The following MAML3 variants were observed in gnomAD, a reference collection of about 807,000 sequenced individuals.
MAML3 encodes mastermind-like protein 3.
Under a neutral mutation model 101.9 loss-of-function variants are expected in MAML3, and 27 were observed. That is an observed-to-expected ratio of 0.27 (90% CI 0.20 to 0.37). The LOEUF is 0.37. Among genes scored for constraint, MAML3 ranks in the 10% least tolerant of loss-of-function variants. The pLI is 1.00. For missense variants in MAML3, 1,316 were observed against 1,444.9 expected (o/e 0.91, Z 1.45); for synonymous variants, 501 against 555.9 (o/e 0.90, Z 1.39).
chr4:139,911,030 A>G (rs1732909400), intron 1 of MAML3, among the ~76,000 whole-genome samples: 1 of 152,204 alleles, frequency 6.6e-6, no homozygotes, highest in Non-Finnish European at 1.5e-5. Flanking sequence ...CTCTGTGTTC[A>G]TGAAACAACT....
chr4:139,785,973 G>A lies in MAML3; in HGVS notation c.2080-55306C>T, dbSNP rs72730229. On this transcript the variant is annotated intron_variant, in intron 2 of 4. Transcript: ENST00000509479. The surrounding 1 kb of genome is among the most constrained non-coding windows in gnomAD (Gnocchi z 4.3). Reference sequence around the variant, plus strand: ...CTCCCACCAAAATTCATATGTTGAAGTCCTAACCCCCAATATCTCAGAATG... The same window carrying A: ...CTCCCACCAAAATTCATATGTTGAAATCCTAACCCCCAATATCTCAGAATG... 0.012 allele frequency among the ~76,000 whole-genome samples: 1,824 copies of A among 152,212 alleles called. 25 individuals are homozygous for A. The highest frequency in any genetic ancestry group is 0.019 in the Non-Finnish European group (1,288 of 68,024).
At chr4:139,878,738 C>T (rs906402087) in intron 2 of MAML3, among the ~76,000 whole-genome samples, 11 of 152,164 alleles carry the variant, frequency 7.2e-5, no homozygotes, top group African/African-American at 2.7e-4. Flanking sequence ...GCTTGTCTGC[C>T]ATCCTTGATG....
At chr4:139,863,898 A>C (rs1731842196) in intron 2 of MAML3, among the ~76,000 whole-genome samples, 1 of 144,074 alleles carries the variant, frequency 6.9e-6, no homozygotes, top group South Asian at 2.3e-4. Flanking sequence ...ATATCCAGAA[A>C]CATTCTTGAT....
At chr4:140,011,624 G>A (rs1409676095) in intron 1 of MAML3, among the ~76,000 whole-genome samples, 3 of 151,996 alleles carry the variant, frequency 2.0e-5, no homozygotes, top group Admixed American at 6.6e-5. Flanking sequence ...GATTACAGGC[G>A]TGAGCCACCG....
intron 1 of MAML3, among the ~76,000 whole-genome samples, chr4:140,083,261 T>A (rs1412825923): frequency 6.6e-6 from 1 of 152,186 alleles, no homozygotes; most frequent in African/African-American, 2.4e-5. Flanking sequence ...CTGTAAAACA[T>A]TTCCCCTATC....
intron 2 of MAML3, among the ~76,000 whole-genome samples, chr4:139,788,681 T>C (rs142279142): frequency 6.6e-6 from 1 of 152,380 alleles, no homozygotes; most frequent in South Asian, 2.1e-4. Context: ...AGTTTTGGTC[T>C]ATGAGATACA....
At chr4:139,737,304 C>A (rs1728983908) in intron 2 of MAML3, among the ~76,000 whole-genome samples, 1 of 151,436 alleles carries the variant, frequency 6.6e-6, no homozygotes, top group South Asian at 2.1e-4. Flanking sequence ...ATGTTTAACT[C>A]ATTTTGTTGA....
intron 1 of MAML3, among the ~76,000 whole-genome samples, chr4:140,045,119 G>A (rs984923158): frequency 6.6e-6 from 1 of 152,172 alleles, no homozygotes; most frequent in African/African-American, 2.4e-5. Flanking sequence ...ATCTGGGCCA[G>A]GCACAGTGGC....
intron 1 of MAML3, among the ~76,000 whole-genome samples, chr4:139,914,766 C>G (rs541640390): frequency 6.6e-6 from 1 of 152,180 alleles, no homozygotes; most frequent in Non-Finnish European, 1.5e-5. Flanking sequence ...TAAAGTTAAA[C>G]ACATCTTTCC....
chr4:139,896,363 A>G (rs1732608197), intron 1 of MAML3, among the ~76,000 whole-genome samples: 2 of 152,152 alleles, frequency 1.3e-5, no homozygotes, highest in Non-Finnish European at 2.9e-5. Context: ...TGGAAGAATC[A>G]CAGAAACTCT....
chr4:140,046,509 G>C (rs956340767), intron 1 of MAML3, among the ~76,000 whole-genome samples: 2 of 152,256 alleles, frequency 1.3e-5, no homozygotes, highest in South Asian at 4.1e-4. Flanking sequence ...AATATTCACA[G>C]AAAACTTCAT....
intron 2 of MAML3, among the ~76,000 whole-genome samples, chr4:139,775,660 G>C (rs536517384): frequency 6.6e-6 from 1 of 152,098 alleles, no homozygotes; most frequent in Non-Finnish European, 1.5e-5. Flanking sequence ...GAATGATTCC[G>C]TTTGATTTCA....
At chr4:139,891,852 C>T (rs574663910) in intron 1 of MAML3, among the ~76,000 whole-genome samples, 3 of 152,206 alleles carry the variant, frequency 2.0e-5, no homozygotes, top group African/African-American at 7.2e-5. Flanking sequence ...TCTAAAAGCA[C>T]GTTTCCACCG....
At position 139,788,519 on chromosome 4, in the gene MAML3, G is replaced by A. The variant is rs1230094206; in HGVS notation, c.2080-57852C>T. 3.3e-5 allele frequency among the ~76,000 whole-genome samples: 5 copies of A among 152,268 alleles called. No homozygotes were observed. The East Asian group carries it at 9.6e-4, about 29-fold the overall frequency. On this transcript the variant is annotated intron_variant, in intron 2 of 4. Coordinates refer to ENST00000509479, the MANE Select transcript of MAML3 (RefSeq NM_018717.5). ...AAGAGAACCTCACATCTGACAGAAT[G>A]AAATCCTCCCATTTTTAAAGTTACC...
intron 2 of MAML3, among the ~76,000 whole-genome samples, chr4:139,780,014 G>A (rs1047877519): frequency 1.1e-4 from 17 of 152,214 alleles, no homozygotes; most frequent in African/African-American, 3.6e-4. Context: ...CAGCAGATGC[G>A]CTGCCATTCC....
In MAML3 at chr4:139,818,130, T is replaced by G. The variant is rs920440480; in HGVS notation, c.2079+71227A>C. 1.6e-4 allele frequency among the ~76,000 whole-genome samples: 25 copies of G among 152,182 alleles called. 1 individual carries two copies. Among genetic ancestry groups the G allele is most frequent in the African/African-American group, 6.0e-4 (25 of 41,430 alleles). On this transcript the variant is annotated intron_variant, in intron 2 of 4. Transcript: ENST00000509479. The stretch of plus-strand genomic sequence containing the variant: ...CTAACAAGTCCCCAGGTGATGCTGA[T>G]CCTGCTAGTCCTAGAACCACGCTTG...
intron 2 of MAML3, among the ~76,000 whole-genome samples, chr4:139,777,974 C>A (rs1017100037): frequency 1.3e-5 from 2 of 152,296 alleles, no homozygotes; most frequent in Admixed American, 1.3e-4. Flanking sequence ...CTTCCCTTGG[C>A]TGGCTCCTTT....
At chr4:139,729,622 C>T (rs770897550) in intron 3 of MAML3, among the ~76,000 whole-genome samples, 11 of 152,230 alleles carry the variant, frequency 7.2e-5, no homozygotes, top group East Asian at 1.9e-4. Flanking sequence ...TCACAGAAGC[C>T]GCCTGGGGAT....
Position 139,722,174 on chromosome 4 carries a change from G to A in MAML3, c.2417-1851C>T, listed in dbSNP as rs568884210. ...GTTCCTTTCTTTAGAGGGCAGAAGC[G>A]TTACAATGCTTTTTAATAGGCAGTG... On this transcript the variant is annotated intron_variant, in intron 4 of 4. Transcript: ENST00000509479. Among the ~76,000 whole-genome samples, 7 of 152,274 alleles carry A rather than the reference G, an allele frequency of 4.6e-5. No individual in the cohort carries two copies. In the South Asian group the frequency reaches 6.2e-4, roughly 14 times the overall value.
Sources: allele counts gnomAD v4.1 joint callset (sites outside exome capture counted in the v4.1 genomes callset), GRCh38; gene constraint gnomAD v4.1.1; non-coding constraint Gnocchi (gnomAD v3.1); transcripts MANE v1.5; gene names NCBI Gene and HGNC (gene_info 2026-07-23, HGNC 2026-07-21).